Variants in SLC6A13 observed in about 807,000 individuals in gnomAD.
SLC6A13 encodes sodium- and chloride-dependent GABA transporter 2.
Under a neutral mutation model 72.9 loss-of-function variants are expected in SLC6A13, and 69 were observed. That is an observed-to-expected ratio of 0.95 (90% CI 0.78 to 1.16). The LOEUF (loss-of-function observed/expected upper bound fraction) is 1.16. Among genes scored for constraint, SLC6A13 ranks in the 50% most tolerant of loss-of-function variants. The pLI is 0.00. For synonymous variants in SLC6A13, 303 were observed against 303.0 expected (o/e 1.00, Z 0.00); for missense variants, 735 against 760.5 (o/e 0.97, Z 0.39).
chr12:239,446 G>GT (rs1942084752), intron 4 of SLC6A13, among the ~76,000 whole-genome samples: 1 of 152,100 alleles, frequency 6.6e-6, no homozygotes, highest in Non-Finnish European at 1.5e-5. Flanking sequence ...TCAATGACTC[G>GT]TTCCCCCTCC....
At chr12:244,353 T>C (rs1942275652) in intron 2 of SLC6A13, among the ~76,000 whole-genome samples, 2 of 152,184 alleles carry the variant, frequency 1.3e-5, no homozygotes, top group African/African-American at 2.4e-5. Context: ...TCTGCCCTCA[T>C]GAATGGATTA....
intron 7 of SLC6A13, among the ~76,000 whole-genome samples, chr12:230,342 T>A (rs1941659627): frequency 6.6e-6 from 1 of 152,134 alleles, no homozygotes; most frequent in African/African-American, 2.4e-5. Flanking sequence ...ACCCCCAGGA[T>A]TATTAATATC....
At chr12:261,664 C>T (rs575449226) in intron 1 of SLC6A13, among the ~76,000 whole-genome samples, 7 of 152,320 alleles carry the variant, frequency 4.6e-5, no homozygotes, top group Admixed American at 2.0e-4. Context: ...CAATGGCTCA[C>T]GCCTGTAATC....
At position 225,381 on chromosome 12, in the gene SLC6A13, G is replaced by A. The variant is rs114735449; in HGVS notation, c.1061-868C>T. On this transcript the variant is annotated intron_variant, in intron 9 of 14. Transcript: ENST00000343164. ...AAGTGAGACACGGGCCAGCCATGGC[G>A]GCTTATGCCTATAATCCCAGCACTT... is the stretch of plus-strand genomic sequence containing the variant. Among the ~76,000 whole-genome samples the A allele has an allele frequency of 4.0e-3, 617 of 152,360 alleles. 4 individuals are homozygous for A. The highest frequency in any genetic ancestry group is 0.014 in the African/African-American group (581 of 41,578).
chr12:240,443 G>A (rs1353395890), intron 4 of SLC6A13, among the ~76,000 whole-genome samples: 2 of 152,194 alleles, frequency 1.3e-5, no homozygotes, highest in East Asian at 1.9e-4. Flanking sequence ...GAGCTGAGGC[G>A]ATCCACTGGC....
At chr12:224,950 C>T (rs1048480774) in intron 9 of SLC6A13, among the ~76,000 whole-genome samples, 5 of 152,170 alleles carry the variant, frequency 3.3e-5, no homozygotes, top group African/African-American at 1.2e-4. Context: ...CGCGATGTTC[C>T]GTTGTATTTG....
At chr12:224,245 C>A in intron 10 of SLC6A13, 116 bp from the exon 11 acceptor site, 2 of 1,461,162 alleles carry the variant, frequency 1.4e-6, no homozygotes, top group East Asian at 2.3e-5. Context: ...CTCAGGTCCC[C>A]TGAGCTATTG....
At chr12:258,851 C>G in intron 2 of SLC6A13, 1 of 889,248 alleles carries the variant, frequency 1.1e-6, no homozygotes, top group Non-Finnish European at 1.3e-6. Flanking sequence ...CACATTTGTG[C>G]TGCGAAATTT....
chr12:223,013 G>C (rs1941280379), intron 12 of SLC6A13, 119 bp downstream of exon 12: 1 of 647,486 alleles, frequency 1.5e-6, no homozygotes, highest in Admixed American at 2.9e-5. Flanking sequence ...TTGGAGGTTG[G>C]GTAGGGAGGC....
chr12:232,889 G>A (rs1941769310), intron 7 of SLC6A13, among the ~76,000 whole-genome samples: 1 of 152,234 alleles, frequency 6.6e-6, no homozygotes, highest in South Asian at 2.1e-4. Context: ...CAGGAGACCT[G>A]AGGACAGTTT....
chr12:231,088 CT>C (rs1367427139), intron 7 of SLC6A13, among the ~76,000 whole-genome samples: 12 of 152,242 alleles, frequency 7.9e-5, no homozygotes, highest in African/African-American at 2.4e-4. Flanking sequence ...CCTCAGCAAC[CT>C]CCTAAAGTGC....
intron 7 of SLC6A13, among the ~76,000 whole-genome samples, chr12:234,146 G>A (rs545181521): frequency 9.2e-5 from 14 of 152,158 alleles, no homozygotes; most frequent in East Asian, 1.9e-4. Context: ...TGGTCTCTGC[G>A]CCCAGGAGGC....
At chr12:227,488 C>T (rs1941510266) in intron 8 of SLC6A13, 77 bp downstream of exon 8, 8 of 1,594,062 alleles carry the variant, frequency 5.0e-6, no homozygotes, top group Non-Finnish European at 6.8e-6. Context: ...CACCCTCCAA[C>T]TCACCCTCGT....
At chr12:242,210 G>A (rs4980808) in intron 4 of SLC6A13, among the ~76,000 whole-genome samples, 8,782 of 152,210 alleles carry the variant, frequency 0.058, 669 homozygotes, top group East Asian at 0.32. Context: ...CCACTTATAC[G>A]TGGATTTTCT....
chr12:249,505 C>T (rs148991041), intron 2 of SLC6A13, among the ~76,000 whole-genome samples: 2 of 152,070 alleles, frequency 1.3e-5, no homozygotes, highest in Admixed American at 6.5e-5. Context: ...AACTTTATGC[C>T]AGTAAGTGCA....
intron 13 of SLC6A13, 85 bp downstream of exon 13, chr12:222,447 C>T: frequency 2.8e-6 from 2 of 712,852 alleles, no homozygotes; most frequent in Middle Eastern, 3.1e-4. Context: ...GGGAGAAGTC[C>T]ATTGCAGGGC....
intron 6 of SLC6A13, chr12:236,847 A>G (rs1374771357): frequency 9.0e-6 from 2 of 221,416 alleles, no homozygotes; most frequent in African/African-American, 2.3e-5. Flanking sequence ...TTCTTTTTCC[A>G]AAGAACTGTT....
At chr12:240,945 C>T (rs898834324) in intron 4 of SLC6A13, among the ~76,000 whole-genome samples, 4 of 152,272 alleles carry the variant, frequency 2.6e-5, no homozygotes, top group Non-Finnish European at 4.4e-5. Context: ...TCATCCTAAC[C>T]GTGCAAAAAT....
At chr12:221,843 C>T (rs757622902) in intron 13 of SLC6A13, among the ~76,000 whole-genome samples, 32 of 152,236 alleles carry the variant, frequency 2.1e-4, no homozygotes, top group Non-Finnish European at 4.1e-4. Flanking sequence ...TACTACCTCT[C>T]CTGCACCGTG....
Sources: allele counts gnomAD v4.1 joint callset (sites outside exome capture counted in the v4.1 genomes callset), GRCh38; gene constraint gnomAD v4.1.1; transcripts MANE v1.5; gene names NCBI Gene and HGNC (gene_info 2026-07-23, HGNC 2026-07-21).